Variants in RBFOX1 observed in about 807,000 individuals in gnomAD.
RBFOX1 encodes RNA binding protein fox-1 homolog 1.
Under a neutral mutation model 57.7 loss-of-function variants are expected in RBFOX1, and 8 were observed. The observed-to-expected ratio is 0.14, with a 90% CI of 0.08 to 0.25. The LOEUF (loss-of-function observed/expected upper bound fraction) is 0.25. RBFOX1 is among the 10% of genes least tolerant of loss of function. The pLI, the probability that RBFOX1 is intolerant of heterozygous loss-of-function variation, is 1.00. For synonymous variants in RBFOX1, 326 were observed against 222.4 expected (o/e 1.47, Z -4.15); for missense variants, 611 against 548.5 (o/e 1.11, Z -1.14).
Position 6,451,395 on chromosome 16 carries a change from A to T in RBFOX1, c.-64+134338A>T, listed in dbSNP as rs79098025. Among the ~76,000 whole-genome samples, 449 of 151,982 alleles carry T rather than the reference A, an allele frequency of 3.0e-3. 4 individuals carry two copies. Among genetic ancestry groups the T allele is most frequent in the African/African-American group, 0.01 (426 of 41,460 alleles). On this transcript the variant is annotated intron_variant, in intron 2 of 15. Transcript: ENST00000550418. ...CTTTAGATGATTTTTTTGACTTTCAACCCCAGGAGTTAGGTAATCTTCTTA... is the reference window on the plus strand; with the variant it reads ...CTTTAGATGATTTTTTTGACTTTCATCCCCAGGAGTTAGGTAATCTTCTTA...
intron 3 of RBFOX1, among the ~76,000 whole-genome samples, chr16:5,629,173 G>A (rs756782216): frequency 2.0e-5 from 3 of 152,198 alleles, no homozygotes; most frequent in Admixed American, 1.3e-4. Context: ...GGCTGGATAA[G>A]CAACCTGAAT....
At chr16:7,233,574 G>A (rs975448636) in intron 4 of RBFOX1, among the ~76,000 whole-genome samples, 2 of 152,168 alleles carry the variant, frequency 1.3e-5, no homozygotes, top group Non-Finnish European at 2.9e-5. Flanking sequence ...TTGCTCTAAT[G>A]TGTACATTGG....
chr16:7,186,272 A>G (rs1420284606), intron 4 of RBFOX1, among the ~76,000 whole-genome samples: 1 of 126,524 alleles, frequency 7.9e-6, no homozygotes. Context: ...ATAAACATAA[A>G]CATAAACATA....
At chr16:6,227,139 A>G (rs1324446455) in intron 1 of RBFOX1, among the ~76,000 whole-genome samples, 1 of 151,780 alleles carries the variant, frequency 6.6e-6, no homozygotes, top group Non-Finnish European at 1.5e-5. Flanking sequence ...AAAAAAAAGT[A>G]ATATTATTAT....
intron 3 of RBFOX1, among the ~76,000 whole-genome samples, chr16:6,955,689 G>GTATGTATGTATT (rs764676268): frequency 1.7e-5 from 2 of 118,614 alleles, no homozygotes; most frequent in African/African-American, 5.7e-5. Flanking sequence ...AGGTATGTAT[G>GTATGTATGTATT]TATTTATTTA....
At chr16:7,338,149 A>G (rs377212404) in intron 4 of RBFOX1, among the ~76,000 whole-genome samples, 3 of 152,336 alleles carry the variant, frequency 2.0e-5, no homozygotes, top group South Asian at 2.1e-4. Context: ...CTATTAACCC[A>G]TCACCGATGT....
intron 4 of RBFOX1, among the ~76,000 whole-genome samples, chr16:7,164,943 A>T (rs965341342): frequency 4.6e-5 from 7 of 152,196 alleles, no homozygotes; most frequent in African/African-American, 1.4e-4. Flanking sequence ...CTGGAATAGG[A>T]TATGGAGTTG....
chr16:6,690,700 A>G (rs2060080010), intron 3 of RBFOX1, among the ~76,000 whole-genome samples: 1 of 151,950 alleles, frequency 6.6e-6, no homozygotes, highest in African/African-American at 2.4e-5. Context: ...GTTGAATCAA[A>G]AACAATATTT....
intron 1 of RBFOX1, among the ~76,000 whole-genome samples, chr16:5,424,924 TTTCTTTC>T (rs2067484686): frequency 8.7e-6 from 1 of 115,538 alleles, no homozygotes; most frequent in African/African-American, 3.5e-5. Flanking sequence ...TCTTTCTTTC[TTTCTTTC>T]TTTCTCTCTC....
At chr16:5,956,595 A>G (rs1392947547) in intron 4 of RBFOX1, among the ~76,000 whole-genome samples, 1 of 149,676 alleles carries the variant, frequency 6.7e-6, no homozygotes, top group Non-Finnish European at 1.5e-5. Context: ...TGCTTGTGAT[A>G]GCAAACTAGT....
At chr16:5,679,538 G>A (rs112819162) in intron 3 of RBFOX1, among the ~76,000 whole-genome samples, 6,334 of 151,984 alleles carry the variant, frequency 0.042, 447 homozygotes, top group African/African-American at 0.14. Flanking sequence ...GGTGTGTGGC[G>A]TTCCCCTCCC....
At chr16:6,146,365 T>C (rs1297275926) in intron 1 of RBFOX1, among the ~76,000 whole-genome samples, 1 of 152,178 alleles carries the variant, frequency 6.6e-6, no homozygotes, top group African/African-American at 2.4e-5. Flanking sequence ...CAGATTAGCC[T>C]CCAAAATTGT....
intron 2 of RBFOX1, among the ~76,000 whole-genome samples, chr16:6,618,339 C>T (rs1185584055): frequency 6.6e-6 from 1 of 152,130 alleles, no homozygotes; most frequent in African/African-American, 2.4e-5. Context: ...CAGTTTCAAG[C>T]CCTTAGCATA....
At chr16:5,968,745 A>G (rs2059901968) in intron 4 of RBFOX1, among the ~76,000 whole-genome samples, 1 of 152,048 alleles carries the variant, frequency 6.6e-6, no homozygotes, top group African/African-American at 2.4e-5. Context: ...AATTTTTAAA[A>G]ATTTTTAATT....
intron 4 of RBFOX1, among the ~76,000 whole-genome samples, chr16:7,184,218 C>T (rs189358598): frequency 1.6e-4 from 25 of 152,210 alleles, no homozygotes; most frequent in Non-Finnish European, 3.4e-4. Context: ...AGTGGAGAGG[C>T]AGATCAAGGA....
chr16:7,084,647 A>G (rs564711734), intron 4 of RBFOX1, among the ~76,000 whole-genome samples: 51 of 152,232 alleles, frequency 3.4e-4, no homozygotes, highest in Non-Finnish European at 5.9e-4. Flanking sequence ...ATTGAGCTTC[A>G]AAGACCAGAG....
chr16:6,733,171 C>T (rs2069118885), intron 3 of RBFOX1, among the ~76,000 whole-genome samples: 1 of 152,306 alleles, frequency 6.6e-6, no homozygotes, highest in South Asian at 2.1e-4. Flanking sequence ...AACCCCTCAT[C>T]TCCCATAGGT....
chr16:5,916,367 T>G (rs1288447428), intron 4 of RBFOX1, among the ~76,000 whole-genome samples: 4 of 152,154 alleles, frequency 2.6e-5, no homozygotes, highest in Non-Finnish European at 5.9e-5. Context: ...AATTCTCGGT[T>G]TCACCTTCCT....
intron 3 of RBFOX1, among the ~76,000 whole-genome samples, chr16:6,907,691 C>T (rs1352234784): frequency 1.3e-5 from 2 of 152,130 alleles, no homozygotes; most frequent in African/African-American, 2.4e-5. Flanking sequence ...CTGGCTCAGC[C>T]TCCTGAGTAG....
Sources: allele counts gnomAD v4.1 joint callset (sites outside exome capture counted in the v4.1 genomes callset), GRCh38; gene constraint gnomAD v4.1.1; transcripts MANE v1.5; gene names NCBI Gene and HGNC (gene_info 2026-07-23, HGNC 2026-07-21).